Variants in DLGAP2 observed in about 807,000 individuals in gnomAD.
DLGAP2 encodes disks large-associated protein 2.
Under a neutral mutation model 100.3 loss-of-function variants are expected in DLGAP2, and 26 were observed. That is an observed-to-expected ratio of 0.26 (90% confidence interval 0.19 to 0.36). The LOEUF (loss-of-function observed/expected upper bound fraction) is 0.36, where lower values mean the gene tolerates loss of function less well. DLGAP2 is among the 10% of genes least tolerant of loss of function. DLGAP2 has a pLI of 1.00. For missense variants in DLGAP2, 1,858 were observed against 1,453.2 expected (o/e 1.28, Z -4.53); for synonymous variants, 886 against 630.1 (o/e 1.41, Z -6.08).
intron 2 of DLGAP2, among the ~76,000 whole-genome samples, chr8:1,103,290 C>G (rs938498066): frequency 4.6e-5 from 7 of 152,238 alleles, no homozygotes; most frequent in African/African-American, 1.7e-4. Flanking sequence ...CATGCTGAAA[C>G]TTTCAGGGCT....
chr8:1,542,768 C>G (rs1801406028), intron 4 of DLGAP2, among the ~76,000 whole-genome samples: 1 of 152,180 alleles, frequency 6.6e-6, no homozygotes, highest in African/African-American at 2.4e-5. Flanking sequence ...AGTAGACTCA[C>G]TGGGGCTTTT....
At chr8:1,060,745 C>G (rs185148553) in intron 2 of DLGAP2, among the ~76,000 whole-genome samples, 3 of 152,346 alleles carry the variant, frequency 2.0e-5, no homozygotes, top group Non-Finnish European at 4.4e-5. Context: ...CATTTCAGGG[C>G]ATCCTGTGGG....
chr8:1,046,227 T>C (rs567251282), intron 2 of DLGAP2, among the ~76,000 whole-genome samples: 1 of 152,326 alleles, frequency 6.6e-6, no homozygotes, highest in South Asian at 2.1e-4. Flanking sequence ...TGTTCTGCCT[T>C]GAATGCAATC....
chr8:1,431,688 G>A (rs867937464), intron 3 of DLGAP2, among the ~76,000 whole-genome samples: 6 of 152,340 alleles, frequency 3.9e-5, no homozygotes, highest in East Asian at 1.9e-4. Flanking sequence ...GTCCGACTGC[G>A]GAGTGGAGGC....
chr8:1,446,001 A>C (rs1584912446), intron 3 of DLGAP2, among the ~76,000 whole-genome samples: 1 of 152,116 alleles, frequency 6.6e-6, no homozygotes, highest in South Asian at 2.1e-4. Context: ...GCCCTTTGTC[A>C]GATGAGTAGG....
At chr8:987,896 C>A (rs1800533584) in intron 2 of DLGAP2, among the ~76,000 whole-genome samples, 1 of 152,188 alleles carries the variant, frequency 6.6e-6, no homozygotes, top group Non-Finnish European at 1.5e-5. Context: ...GATTCTATTA[C>A]ATGTTTTACA....
rs769477449 is a variant in DLGAP2 at position 1,548,627 on chromosome 8, C to T, written c.174C>T (p.Asp58=). The part of the protein sequence containing the change: ...SFPGPAEEDL[D]PQYSWSPTQH... ...AATGCCGTTTCTGTTTCCCCACAGA[C>T]CCGCAGTACTCATGGTCGCCCACGC... The change falls in exon 5 of 15, where the codon GAC becomes GAT. Residue 58 remains aspartate (D), a splice_region_variant and synonymous_variant. Coordinates refer to ENST00000637795, the MANE Select transcript of DLGAP2 (RefSeq NM_001346810.2). The T allele has an allele frequency of 4.4e-5, 67 of 1,523,714 alleles. No individual in the cohort carries two copies. Among genetic ancestry groups the T allele is most frequent in the Non-Finnish European group, 5.5e-5 (62 of 1,137,118 alleles). The allele number at this position is 1,523,714 out of a possible 1,614,324, so 94.4% of individuals were successfully genotyped here. A position where few individuals can be genotyped will look rare whatever the true frequency, so the allele number is the denominator to read the frequency against.
At chr8:1,371,299 C>G (rs1355716230) in intron 3 of DLGAP2, among the ~76,000 whole-genome samples, 2 of 152,228 alleles carry the variant, frequency 1.3e-5, no homozygotes, top group Non-Finnish European at 2.9e-5. Flanking sequence ...TTTCTAGTAA[C>G]TCACTCATTT....
At chr8:994,820 C>T (rs1800741472) in intron 2 of DLGAP2, among the ~76,000 whole-genome samples, 1 of 152,176 alleles carries the variant, frequency 6.6e-6, no homozygotes, top group Admixed American at 6.5e-5. Flanking sequence ...CATATCACAG[C>T]AGACGAAGAG....
intron 3 of DLGAP2, among the ~76,000 whole-genome samples, chr8:1,379,946 C>T (rs1292019820): frequency 1.3e-5 from 2 of 151,016 alleles, no homozygotes; most frequent in African/African-American, 4.9e-5. Context: ...CTTCCCTCCC[C>T]TCCTGCTCGG....
intron 3 of DLGAP2, among the ~76,000 whole-genome samples, chr8:1,428,644 T>C (rs371510401): frequency 1.8e-4 from 27 of 152,334 alleles, no homozygotes; most frequent in African/African-American, 6.0e-4. Context: ...ACCTAATAAA[T>C]ATGCATGTGC....
At chr8:1,529,893 G>A (rs914228564) in intron 4 of DLGAP2, among the ~76,000 whole-genome samples, 1 of 152,178 alleles carries the variant, frequency 6.6e-6, no homozygotes. Context: ...AAACCAGCAC[G>A]TTTTTATTAG....
chr8:1,420,527 C>T (rs1002974301), intron 3 of DLGAP2, among the ~76,000 whole-genome samples: 33 of 152,160 alleles, frequency 2.2e-4, no homozygotes, highest in Admixed American at 1.8e-3. Context: ...TGTCACTATC[C>T]TACTAAAGCA....
chr8:1,537,962 G>A (rs987065404), intron 4 of DLGAP2, among the ~76,000 whole-genome samples: 2 of 152,196 alleles, frequency 1.3e-5, no homozygotes, highest in Non-Finnish European at 2.9e-5. Context: ...AAGTAAGGAG[G>A]TGAATCAGAG....
intron 3 of DLGAP2, among the ~76,000 whole-genome samples, chr8:1,483,064 C>G (rs1015229844): frequency 3.9e-5 from 6 of 152,122 alleles, no homozygotes; most frequent in African/African-American, 9.7e-5. Flanking sequence ...CGCGCGCGGC[C>G]GGAGAGGCGC....
At chr8:738,687 GCTGGGCTGGGCTGGGCTGGA>G (rs1182108737) in intron 1 of DLGAP2, 2 of 152,126 alleles carry the variant, frequency 1.3e-5, no homozygotes, top group African/African-American at 4.9e-5. Context: ...GCTGGGCTGG[GCTGGGCTGGGCTGGGCTGGA>G]CTGGACGCCT....
intron 5 of DLGAP2, among the ~76,000 whole-genome samples, chr8:1,553,698 C>G (rs1358193320): frequency 6.6e-6 from 1 of 152,104 alleles, no homozygotes; most frequent in African/African-American, 2.4e-5. Flanking sequence ...GAGTACTGAC[C>G]TTTCCTTGCA....
chr8:801,217 G>A (rs191625482), intron 1 of DLGAP2, among the ~76,000 whole-genome samples: 5 of 152,334 alleles, frequency 3.3e-5, no homozygotes, highest in African/African-American at 1.2e-4. Context: ...GCAAGCAGCC[G>A]CAAAGCAATA....
chr8:972,704 A>C (rs972924410), intron 2 of DLGAP2, among the ~76,000 whole-genome samples: 1 of 151,712 alleles, frequency 6.6e-6, no homozygotes, highest in Non-Finnish European at 1.5e-5. Context: ...ATAGTGGAGG[A>C]AAGATCAGCA....
Sources: gnomAD v4.1 joint callset for allele counts (sites outside exome capture counted in the v4.1 genomes callset) on GRCh38, gnomAD v4.1.1 for gene constraint, MANE v1.5 for transcripts, NCBI Gene and HGNC (gene_info 2026-07-23, HGNC 2026-07-21) for gene names.